ADGRB3: variants seen among roughly 807,000 people sequenced by gnomAD.
The protein encoded by ADGRB3 is brain-specific angiogenesis inhibitor 3.
ADGRB3 carries 37 observed loss-of-function variants against 193.4 expected under a neutral mutation model. That is an observed-to-expected ratio of 0.19 (90% confidence interval 0.15 to 0.25). The LOEUF (loss-of-function observed/expected upper bound fraction) is 0.25. Ranked by LOEUF, ADGRB3 falls within the 10% of genes least tolerant of loss-of-function variation. ADGRB3 has a pLI of 1.00. For synonymous variants in ADGRB3, 690 were observed against 644.2 expected, an observed-to-expected ratio of 1.07 and a Z score of -1.08; for missense variants, 1,637 against 1,852.9, an observed-to-expected ratio of 0.88 and a Z score of 2.14.
intron 20 of ADGRB3, among the ~76,000 whole-genome samples, chr6:69,277,104 T>C (rs1467089838): frequency 1.3e-5 from 2 of 151,470 alleles, no homozygotes; most frequent in Non-Finnish European, 2.9e-5. Context: ...CAAGCGATTC[T>C]CCTGCCTCAG....
intron 3 of ADGRB3, among the ~76,000 whole-genome samples, chr6:68,758,962 AAC>A (rs921386861): frequency 6.6e-6 from 1 of 152,112 alleles, no homozygotes; most frequent in Non-Finnish European, 1.5e-5. Context: ...CATGCATACA[AAC>A]ACACACAATT....
intron 13 of ADGRB3, among the ~76,000 whole-genome samples, chr6:69,035,868 T>C (rs1770853464): frequency 1.3e-5 from 2 of 152,174 alleles, no homozygotes. Context: ...CACTGATTTC[T>C]GGCTTGAGTA....
chr6:69,043,177 C>T (rs993837482), intron 13 of ADGRB3, among the ~76,000 whole-genome samples: 4 of 151,006 alleles, frequency 2.6e-5, no homozygotes, highest in Admixed American at 2.6e-4. Context: ...TAAGGCAGCC[C>T]CTTCCCTCTG....
At chr6:68,998,254 G>C (rs1747068059) in intron 11 of ADGRB3, among the ~76,000 whole-genome samples, 1 of 152,140 alleles carries the variant, frequency 6.6e-6, no homozygotes, top group South Asian at 2.1e-4. Context: ...TAAGTTCTTG[G>C]AGTTAATGTC....
At chr6:68,927,029 G>A (rs1254962372) in intron 3 of ADGRB3, among the ~76,000 whole-genome samples, 6 of 152,190 alleles carry the variant, frequency 3.9e-5, no homozygotes, top group East Asian at 1.9e-4. Context: ...GAGAAAATGT[G>A]CCTAAACATG....
At chr6:68,906,750 A>G (rs991641765) in intron 3 of ADGRB3, among the ~76,000 whole-genome samples, 1 of 151,922 alleles carries the variant, frequency 6.6e-6, no homozygotes, top group Non-Finnish European at 1.5e-5. Context: ...AGTTATTGTT[A>G]TAGGTTTGTC....
chr6:68,961,100 T>C (rs937116719), intron 8 of ADGRB3, among the ~76,000 whole-genome samples: 4 of 152,126 alleles, frequency 2.6e-5, no homozygotes, highest in African/African-American at 4.8e-5. Context: ...GAAAACACAA[T>C]TCATTTTGAA....
At chr6:69,264,508 A>G (rs1177580663) in intron 20 of ADGRB3, among the ~76,000 whole-genome samples, 1 of 148,930 alleles carries the variant, frequency 6.7e-6, no homozygotes, top group Admixed American at 6.7e-5. Flanking sequence ...TGTCTTTCTC[A>G]TCTCCTTTTT....
At chr6:69,197,234 T>C (rs1004970735) in intron 17 of ADGRB3, among the ~76,000 whole-genome samples, 19 of 152,214 alleles carry the variant, frequency 1.2e-4, no homozygotes, top group African/African-American at 4.6e-4. Context: ...AGTGTTTTTA[T>C]TGCTAGTTTA....
intron 3 of ADGRB3, among the ~76,000 whole-genome samples, chr6:68,805,051 C>T (rs562640656): frequency 1.3e-3 from 191 of 152,160 alleles, no homozygotes; most frequent in African/African-American, 3.6e-3. Flanking sequence ...CCTCAGCCTC[C>T]GAAGTACTTG....
intron 17 of ADGRB3, among the ~76,000 whole-genome samples, chr6:69,099,216 A>G (rs1165024097): frequency 6.6e-6 from 1 of 152,208 alleles, no homozygotes; most frequent in Non-Finnish European, 1.5e-5. Flanking sequence ...ACAGCAAAGA[A>G]TTATCTAGTT....
intron 8 of ADGRB3, among the ~76,000 whole-genome samples, chr6:68,959,748 A>T (rs1398958271): frequency 6.6e-6 from 1 of 152,174 alleles, no homozygotes; most frequent in Non-Finnish European, 1.5e-5. Context: ...TTCATAAAAA[A>T]TAATTGTAGA....
chr6:69,209,978 C>T (rs993435264), intron 17 of ADGRB3, among the ~76,000 whole-genome samples: 1 of 151,106 alleles, frequency 6.6e-6, no homozygotes, highest in Non-Finnish European at 1.5e-5. Flanking sequence ...CAGCCAACTC[C>T]AGAAACCCCA....
chr6:68,828,426 A>G (rs573335465), intron 3 of ADGRB3, among the ~76,000 whole-genome samples: 3 of 152,170 alleles, frequency 2.0e-5, no homozygotes, highest in Non-Finnish European at 4.4e-5. Context: ...GGAACCTTTA[A>G]TGGTGATTCT....
intron 26 of ADGRB3, among the ~76,000 whole-genome samples, chr6:69,347,374 T>C (rs1769121714): frequency 6.6e-6 from 1 of 151,778 alleles, no homozygotes; most frequent in Non-Finnish European, 1.5e-5. Flanking sequence ...AATAAAAGAA[T>C]TAAGCAAGGT....
chr6:68,736,305 G>T (rs971915212), intron 3 of ADGRB3, among the ~76,000 whole-genome samples: 3 of 152,044 alleles, frequency 2.0e-5, no homozygotes, highest in Non-Finnish European at 4.4e-5. Flanking sequence ...GGCGTGATCC[G>T]CCATGCCCAG....
chr6:69,379,646 T>C (rs540622387), intron 30 of ADGRB3, among the ~76,000 whole-genome samples: 1 of 152,036 alleles, frequency 6.6e-6, no homozygotes. Flanking sequence ...TCTACTTGAG[T>C]CTATGAACAA....
intron 3 of ADGRB3, among the ~76,000 whole-genome samples, chr6:68,877,304 G>T (rs1212702128): frequency 6.6e-6 from 1 of 151,924 alleles, no homozygotes; most frequent in Non-Finnish European, 1.5e-5. Flanking sequence ...GGCAGCATTT[G>T]AGAACAGTTA....
intron 3 of ADGRB3, among the ~76,000 whole-genome samples, chr6:68,761,899 T>C (rs1455244681): frequency 6.6e-6 from 1 of 152,202 alleles, no homozygotes; most frequent in East Asian, 1.9e-4. Context: ...AAGTGTTGTA[T>C]GTGACCATTA....
Sources: gnomAD v4.1 joint callset for allele counts (sites outside exome capture counted in the v4.1 genomes callset) on GRCh38, gnomAD v4.1.1 for gene constraint, MANE v1.5 for transcripts, NCBI Gene and HGNC (gene_info 2026-07-23, HGNC 2026-07-21) for gene names.